Variants in GSDME observed in about 807,000 individuals in gnomAD.
GSDME encodes the protein gasdermin E.
A neutral mutation model predicts 47.5 loss-of-function variants in GSDME; 44 were observed. The observed-to-expected ratio is 0.93, with a 90% CI of 0.73 to 1.19. The LOEUF is 1.19. GSDME is among the 50% of genes most tolerant of loss of function. GSDME has a pLI of 0.00. For missense variants in GSDME, 663 were observed against 604.2 expected (o/e 1.10, Z -1.02); for synonymous variants, 258 against 252.8 (o/e 1.02, Z -0.20).
chr7:24,731,357 C>CAT lies in GSDME; in HGVS notation c.405-12141_405-12140dup, dbSNP rs779549166. On this transcript the variant is annotated intron_variant, in intron 3 of 9. Transcript: ENST00000645220. ...CACTTATTTTGGGGAACACGGGTTG[C>CAT]ATGCAAGAACCAGAGCCCCGCCGAC... 9.8e-5 allele frequency among the ~76,000 whole-genome samples: 15 copies of CAT among 152,388 alleles called. 1 individual carries two copies. Among genetic ancestry groups the CAT allele is most frequent in the Admixed American group, 7.2e-4 (11 of 15,312 alleles).
At chr7:24,789,373 A>T in the GSDME span, among the ~76,000 whole-genome samples, 3 of 151,138 alleles carry the variant, frequency 2.0e-5, no homozygotes, top group Non-Finnish European at 4.5e-5. Context: ...GAGCATCGGC[A>T]GACTTATGTC....
chr7:24,754,928 T>C lies in GSDME; in HGVS notation c.-20+2468A>G, dbSNP rs1236762616. On this transcript the variant is annotated intron_variant, in intron 1 of 9. Transcript: ENST00000645220. The surrounding 1 kb of genome is among the most constrained non-coding windows in gnomAD (Gnocchi z 5.0). Reference sequence around the variant, plus strand: ...GAAAAGAAACTTCAACATCAAATACTCTAGACAAAGAGAGGAGCAACTGTT... The same window carrying C: ...GAAAAGAAACTTCAACATCAAATACCCTAGACAAAGAGAGGAGCAACTGTT... Among the ~76,000 whole-genome samples, 1 of 152,200 alleles carries C rather than the reference T, an allele frequency of 6.6e-6. No homozygotes were observed. Among genetic ancestry groups the C allele is most frequent in the Non-Finnish European group, 1.5e-5 (1 of 68,034 alleles).
rs142378204 is a variant in GSDME at position 24,698,994 on chromosome 7, C to T, written c.*32G>A. ...AACAGTTCTGAAAAATAGCCTTGGC[C>T]AGTAACACGTACTTCTAGTTCACAT... On this transcript the variant is annotated 3_prime_UTR_variant, in exon 10 of 10. Transcript: ENST00000645220. 1.7e-4 allele frequency: 252 copies of T among 1,455,206 alleles called. No individual in the cohort carries two copies. The African/African-American group carries it at 3.2e-3, about 18-fold the overall frequency. The allele number at this position is 1,455,206 out of a possible 1,614,324, so 90.1% of individuals were successfully genotyped here.
rs550234876 is a variant in GSDME at position 24,735,585 on chromosome 7, C to T, written c.404+8977G>A. On this transcript the variant is annotated intron_variant, in intron 3 of 9. Coordinates refer to ENST00000645220, the MANE Select transcript of GSDME (RefSeq NM_001127453.2). The surrounding 1 kb of genome is among the most constrained non-coding windows in gnomAD (Gnocchi z 4.4). ...CAGACTGCCCAACATGGCGAAACCA[C>T]ATCTCTACTAAAAATACAAAAAAGT... is the stretch of plus-strand genomic sequence containing the variant. Among the ~76,000 whole-genome samples, 561 of 152,048 alleles carry T rather than the reference C, an allele frequency of 3.7e-3. 3 individuals are homozygous for T. Among genetic ancestry groups the T allele is most frequent in the Middle Eastern group, 0.031 (9 of 294 alleles).
At chr7:24,711,263 C>T (rs542032594) in intron 5 of GSDME, among the ~76,000 whole-genome samples, 3 of 152,136 alleles carry the variant, frequency 2.0e-5, no homozygotes, top group Non-Finnish European at 2.9e-5. Context: ...CAGAGTCACT[C>T]TGTTGTCCAG....
the GSDME span, among the ~76,000 whole-genome samples, chr7:24,779,002 C>A: frequency 2.0e-5 from 3 of 152,214 alleles, no homozygotes; most frequent in Non-Finnish European, 2.9e-5. The surrounding 1 kb of genome is among the most constrained non-coding windows in gnomAD (Gnocchi z 6.0). Context: ...AATTGTCATG[C>A]TGGTCCCATG....
rs768736799 is a variant in GSDME at position 24,744,749 on chromosome 7, C to T, written c.217G>A (p.Val73Met). The T allele has an allele frequency of 9.9e-6, 16 of 1,613,868 alleles. 1 individual carries two copies. Among genetic ancestry groups the T allele is most frequent in the South Asian group, 9.9e-5 (9 of 91,068 alleles). Residue 73 changes from valine (V) to methionine (M), a missense_variant, in exon 3 of 10, where the codon GTG (valine) becomes ATG (methionine). By Grantham distance (21) the Val-to-Met change is conservative. Transcript: ENST00000645220. This position sits in a 1 kb window ranked among gnomAD's most constrained non-coding sequence, Gnocchi z 4.5. ...TCGTATTTCACAAAGTCCGACTCCA[C>T]GACCACTGGAATGGAGGAGACGAGC... ...IEDQFPSPVV[V>M]ESDFVKYEGK...
chr7:24,744,838 G>T lies in GSDME; in HGVS notation c.212-84C>A. The T allele has an allele frequency of 6.9e-7, 1 of 1,451,914 alleles. No individual in the cohort carries two copies. The highest frequency in any genetic ancestry group is 9.5e-7 in the Non-Finnish European group (1 of 1,050,784). The allele number at this position is 1,451,914 out of a possible 1,614,324, so 89.9% of individuals were successfully genotyped here. On this transcript the variant is annotated intron_variant, in intron 2 of 9. Transcript: ENST00000645220. The surrounding 1 kb of genome is among the most constrained non-coding windows in gnomAD (Gnocchi z 4.5). Reference sequence around the variant, plus strand: ...GGGTCATTTAGCTTTCCAAGCCTGTGCAGAGCCCCGGAAAGCAGAAGGCTG... The same window carrying T: ...GGGTCATTTAGCTTTCCAAGCCTGTTCAGAGCCCCGGAAAGCAGAAGGCTG...
chr7:24,765,638 G>C, the GSDME span, among the ~76,000 whole-genome samples: 4 of 152,226 alleles, frequency 2.6e-5, no homozygotes, highest in African/African-American at 7.2e-5. Context: ...CAGCCCCAGA[G>C]TTGCTCTGAA....
At chr7:24,738,116 G>A (rs920587269) in intron 3 of GSDME, among the ~76,000 whole-genome samples, 1 of 152,124 alleles carries the variant, frequency 6.6e-6, no homozygotes, top group Non-Finnish European at 1.5e-5. Flanking sequence ...AGTACTCGAA[G>A]TCCTAGCTAG....
chr7:24,699,605 G>A (rs1788778917), intron 9 of GSDME, among the ~76,000 whole-genome samples: 1 of 152,282 alleles, frequency 6.6e-6, no homozygotes, highest in African/African-American at 2.4e-5. Context: ...CTCCCAAAGT[G>A]CTGTGATTAC....
Position 24,716,954 on chromosome 7 carries a change from G to A in GSDME, c.697+300C>T. 1 of 428,544 alleles carries A rather than the reference G, an allele frequency of 2.3e-6. No homozygotes were observed. The highest frequency in any genetic ancestry group is 2.1e-5 in the South Asian group (1 of 46,844). The allele number at this position is 428,544 out of a possible 1,614,324, so 26.5% of individuals were successfully genotyped here. ...GTTGATGCCCAGTGTGTCTGATGCA[G>A]AGCCCAGGTTGATGCCCAGAGGACA... is the stretch of plus-strand genomic sequence containing the variant. On this transcript the variant is annotated intron_variant, in intron 5 of 9. Transcript: ENST00000645220. This position sits in a 1 kb window ranked among gnomAD's most constrained non-coding sequence, Gnocchi z 4.5.
chr7:24,710,505 G>A (rs1417360683), intron 5 of GSDME, 117 bp from the exon 6 acceptor site: 3 of 958,924 alleles, frequency 3.1e-6, no homozygotes, highest in Non-Finnish European at 5.0e-6. Context: ...CAGTGGAGCA[G>A]AAGACCCATC....
At chr7:24,793,674 A>G in the GSDME span, among the ~76,000 whole-genome samples, 1 of 152,198 alleles carries the variant, frequency 6.6e-6, no homozygotes. Context: ...AACATGTCTC[A>G]ACTTTCTGAC....
intron 3 of GSDME, among the ~76,000 whole-genome samples, chr7:24,734,926 A>G (rs987510435): frequency 6.6e-6 from 1 of 152,210 alleles, no homozygotes; most frequent in Non-Finnish European, 1.5e-5. Context: ...AGAACAAGAT[A>G]TCAATACCTA....
the GSDME span, among the ~76,000 whole-genome samples, chr7:24,778,055 G>A: frequency 6.6e-6 from 1 of 151,124 alleles, no homozygotes; most frequent in Non-Finnish European, 1.5e-5. The surrounding 1 kb of genome is among the most constrained non-coding windows in gnomAD (Gnocchi z 5.6). Context: ...AAAGATGGAG[G>A]GACAAAGAAA....
At chr7:24,773,721 A>C in the GSDME span, among the ~76,000 whole-genome samples, 6 of 152,190 alleles carry the variant, frequency 3.9e-5, no homozygotes, top group Admixed American at 1.3e-4. The surrounding 1 kb of genome is among the most constrained non-coding windows in gnomAD (Gnocchi z 5.4). Flanking sequence ...GGGAGCTTAA[A>C]TATATCTATG....
rs1173414479 is a variant in GSDME, at chr7:24,742,473, C to CA, written c.404+2088dup. Reference sequence around the variant, plus strand: ...GGATGCTCCTTTCCTTTCCCTCCCCCACTCCCTCTTCCTCCACTCAGAACT... The same window carrying CA: ...GGATGCTCCTTTCCTTTCCCTCCCCCAACTCCCTCTTCCTCCACTCAGAACT... On this transcript the variant is annotated intron_variant, in intron 3 of 9. Coordinates refer to ENST00000645220, the MANE Select transcript of GSDME (RefSeq NM_001127453.2). This position sits in a 1 kb window ranked among gnomAD's most constrained non-coding sequence, Gnocchi z 4.4. 3.9e-5 allele frequency among the ~76,000 whole-genome samples: 6 copies of CA among 152,182 alleles called. No individual in the cohort carries two copies. The East Asian group carries it at 1.2e-3, about 29-fold the overall frequency.
chr7:24,711,964 C>T (rs139262156), intron 5 of GSDME, among the ~76,000 whole-genome samples: 1 of 152,134 alleles, frequency 6.6e-6, no homozygotes, highest in African/African-American at 2.4e-5. Context: ...AATTAGCATT[C>T]TCTTTATGAT....
Sources: allele counts gnomAD v4.1 joint callset (sites outside exome capture counted in the v4.1 genomes callset), GRCh38; gene constraint gnomAD v4.1.1; non-coding constraint Gnocchi (gnomAD v3.1); transcripts MANE v1.5; gene names NCBI Gene and HGNC (gene_info 2026-07-23, HGNC 2026-07-21).